CHURC1: variants seen among roughly 807,000 people sequenced by gnomAD.
CHURC1 encodes the protein protein Churchill.
Under a neutral mutation model 15.4 loss-of-function variants are expected in CHURC1, and 12 were observed. The ratio of observed to expected loss-of-function variants is 0.78; its 90% CI spans 0.50 to 1.27. The LOEUF is 1.27. Ranked by LOEUF, CHURC1 falls within the 50% of genes most tolerant of loss-of-function variation. The pLI, the probability that CHURC1 is intolerant of heterozygous loss-of-function variation, is 0.00. For missense variants in CHURC1, 132 were observed against 137.8 expected (o/e 0.96, Z 0.21); for synonymous variants, 42 against 47.5 (o/e 0.88, Z 0.48).
At position 64,935,192 on chromosome 14, in the gene CHURC1, G is replaced by A. The variant is rs976818207; in HGVS notation, c.*2962G>A. On this transcript the variant is annotated 3_prime_UTR_variant, in exon 4 of 4. Transcript: ENST00000549115. ...CACTCTAGGGACTGTTGTGGGGTGA[G>A]GGGAGGGGTGAGGGATAGCATTAGG... The A allele has an allele frequency of 4.0e-6, 1 of 247,388 alleles. No homozygotes were observed. The highest frequency in any genetic ancestry group is 2.3e-5 in the African/African-American group (1 of 43,002). 15.3% of individuals were successfully genotyped at this position (247,388 alleles called of 1,614,324 possible). A position where few individuals can be genotyped will look rare whatever the true frequency, so the allele number is the denominator to read the frequency against.
chr14:64,927,732 T>TCCCCCCC (rs1566830855), intron 3 of CHURC1, among the ~76,000 whole-genome samples: 38 of 106,604 alleles, frequency 3.6e-4, no homozygotes, highest in Admixed American at 5.1e-4. Flanking sequence ...CCCCCCGCCG[T>TCCCCCCC]CAATTCATAC....
intron 3 of CHURC1, among the ~76,000 whole-genome samples, chr14:64,930,627 T>G (rs1324016147): frequency 2.0e-5 from 3 of 152,248 alleles, no homozygotes; most frequent in African/African-American, 7.2e-5. Flanking sequence ...GATTGCAGAT[T>G]GTATAAAGTC....
intron 3 of CHURC1, among the ~76,000 whole-genome samples, chr14:64,930,350 C>T (rs952226013): frequency 6.6e-6 from 1 of 152,180 alleles, no homozygotes; most frequent in Non-Finnish European, 1.5e-5. Context: ...GAATTCTAGA[C>T]ATATTTTCCC....
At chr14:64,925,696 CA>C (rs3033506) in intron 2 of CHURC1, among the ~76,000 whole-genome samples, 1,560 of 66,158 alleles carry the variant, frequency 0.024, 11 homozygotes, top group Non-Finnish European at 0.031. Flanking sequence ...GACCCGGCCT[CA>C]AAAAAAAAAA....
At chr14:64,916,664 G>A (rs761300770) in intron 1 of CHURC1, among the ~76,000 whole-genome samples, 1 of 152,014 alleles carries the variant, frequency 6.6e-6, no homozygotes, top group African/African-American at 2.4e-5. Context: ...TGCAAGCTCC[G>A]CCTCACTGGT....
At chr14:64,926,285 A>G (rs1025901562) in intron 3 of CHURC1, among the ~76,000 whole-genome samples, 1 of 145,056 alleles carries the variant, frequency 6.9e-6, no homozygotes, top group African/African-American at 2.6e-5. Context: ...GGGCTCAAGC[A>G]GTCCTCCCAC....
chr14:64,932,159 T>TTATGCG lies in CHURC1; in HGVS notation c.269_274dup (p.Cys91_Gly92insValCys). ...CTAGGAGTATACCATGCTGTGTCTG[T>TTATGCG]TATGCGGCAAAGCCGAAGATACTAT... is the stretch of plus-strand genomic sequence containing the variant. On this transcript the variant is annotated inframe_insertion, in exon 4 of 4. Coordinates refer to ENST00000549115, the MANE Select transcript of CHURC1 (RefSeq NM_001386928.1). The TTATGCG allele has an allele frequency of 6.2e-7, 1 of 1,613,956 alleles. No individual in the cohort carries two copies. Among genetic ancestry groups the TTATGCG allele is most frequent in the South Asian group, 1.1e-5 (1 of 91,064 alleles).
intron 3 of CHURC1, 43 bp from the exon 4 acceptor site, chr14:64,932,095 T>C (rs1885108383): frequency 2.5e-6 from 4 of 1,591,644 alleles, no homozygotes; most frequent in Non-Finnish European, 3.4e-6. Flanking sequence ...AAGCATCTTT[T>C]TCCCTGTTCC....
chr14:64,932,452 A>C lies in CHURC1; in HGVS notation c.*222A>C. On this transcript the variant is annotated 3_prime_UTR_variant, in exon 4 of 4. Coordinates refer to ENST00000549115, the MANE Select transcript of CHURC1 (RefSeq NM_001386928.1). Reference sequence around the variant, plus strand: ...AGTTCACATCAGTGTAGCCAGAGTGAAGCATCTTTGTTAGCAGTTATGTGG... The same window carrying C: ...AGTTCACATCAGTGTAGCCAGAGTGCAGCATCTTTGTTAGCAGTTATGTGG... 8.0e-7 allele frequency: 1 copy of C among 1,253,280 alleles called. No individual in the cohort carries two copies. Among genetic ancestry groups the C allele is most frequent in the Non-Finnish European group, 1.0e-6 (1 of 993,808 alleles). The allele number at this position is 1,253,280 out of a possible 1,614,324, so 77.6% of individuals were successfully genotyped here.
At chr14:64,920,971 A>G (rs190525071) in intron 1 of CHURC1, among the ~76,000 whole-genome samples, 23 of 152,342 alleles carry the variant, frequency 1.5e-4, no homozygotes, top group Admixed American at 3.3e-4. Context: ...TATAAAAACT[A>G]TAGTAATCAA....
At chr14:64,924,196 C>G in intron 2 of CHURC1, 70 bp downstream of exon 2, 1 of 1,476,978 alleles carries the variant, frequency 6.8e-7, no homozygotes, top group Non-Finnish European at 9.0e-7. Context: ...ATATGTTACA[C>G]AAAATATTCT....
chr14:64,928,162 C>G (rs1566831005), intron 3 of CHURC1, among the ~76,000 whole-genome samples: 1 of 152,172 alleles, frequency 6.6e-6, no homozygotes, highest in African/African-American at 2.4e-5. Context: ...TGCATTTCCT[C>G]AGGAATCTCA....
chr14:64,924,158 G>A, intron 2 of CHURC1, 32 bp downstream of exon 2: 1 of 1,574,950 alleles, frequency 6.3e-7, no homozygotes, highest in South Asian at 1.2e-5. Context: ...ACCTGAGTGT[G>A]TTAGCAGGTG....
intron 1 of CHURC1, among the ~76,000 whole-genome samples, chr14:64,917,344 C>T (rs1410732375): frequency 6.6e-6 from 1 of 152,244 alleles, no homozygotes; most frequent in Non-Finnish European, 1.5e-5. Context: ...TGGCAGATCA[C>T]CTGAGGTCAG....
chr14:64,932,275 A>G lies in CHURC1; in HGVS notation c.*45A>G, dbSNP rs774904587. The G allele has an allele frequency of 5.0e-6, 8 of 1,602,014 alleles. No homozygotes were observed. Among genetic ancestry groups the G allele is most frequent in the Non-Finnish European group, 6.8e-6 (8 of 1,172,788 alleles). On this transcript the variant is annotated 3_prime_UTR_variant, in exon 4 of 4. Transcript: ENST00000549115. ...TTATAACTATATTGTGTTGGTTTAC[A>G]ATACAGCAAGCCTGATGGTTTGTCT...
chr14:64,929,889 T>C lies in CHURC1; in HGVS notation c.247-2249T>C, dbSNP rs141325092. On this transcript the variant is annotated intron_variant, in intron 3 of 3. Transcript: ENST00000549115. ...CAGAGTTTACATGGAAAATACATGA[T>C]AAATTATTATAGGTATCCTTTATTT... is the stretch of plus-strand genomic sequence containing the variant. Among the ~76,000 whole-genome samples the C allele has an allele frequency of 3.0e-3, 452 of 151,776 alleles. 2 individuals are homozygous for C. The highest frequency in any genetic ancestry group is 0.014 in the Middle Eastern group (4 of 294).
rs549648332 is a variant in CHURC1, at chr14:64,928,113, GAA to G, written c.246+2035_246+2036del. ...ACTCTTCCTTCTCTCCTGTTAGAGA[GAA>G]AGATTTTTATTTACCCCTCTCTAAT... is the stretch of plus-strand genomic sequence containing the variant. On this transcript the variant is annotated intron_variant, in intron 3 of 3. Coordinates refer to ENST00000549115, the MANE Select transcript of CHURC1 (RefSeq NM_001386928.1). 1.9e-3 allele frequency among the ~76,000 whole-genome samples: 290 copies of G among 152,220 alleles called. 2 individuals carry two copies. Among genetic ancestry groups the G allele is most frequent in the African/African-American group, 6.6e-3 (276 of 41,522 alleles).
At chr14:64,916,873 G>A (rs1460650941) in intron 1 of CHURC1, among the ~76,000 whole-genome samples, 4 of 151,902 alleles carry the variant, frequency 2.6e-5, no homozygotes, top group Admixed American at 6.6e-5. Flanking sequence ...CCACCGCGCC[G>A]GGCCTTAGGT....
Position 64,933,697 on chromosome 14 carries a change from G to T in CHURC1, c.*1467G>T, listed in dbSNP as rs1195041528. 3 of 985,304 alleles carry T rather than the reference G, an allele frequency of 3.0e-6. No homozygotes were observed. In the Admixed American group the frequency reaches 1.8e-4, roughly 61 times the overall value. 61.0% of individuals were successfully genotyped at this position (985,304 alleles called of 1,614,324 possible). On this transcript the variant is annotated 3_prime_UTR_variant, in exon 4 of 4. Coordinates refer to ENST00000549115, the MANE Select transcript of CHURC1 (RefSeq NM_001386928.1). The stretch of plus-strand genomic sequence containing the variant: ...TCTGAGACCTAAATTTAAAGGGTCA[G>T]GCATTAGAAACAAAAGTGTTTCTTC...
Sources: gnomAD v4.1 joint callset for allele counts (sites outside exome capture counted in the v4.1 genomes callset) on GRCh38, gnomAD v4.1.1 for gene constraint, MANE v1.5 for transcripts, NCBI Gene and HGNC (gene_info 2026-07-23, HGNC 2026-07-21) for gene names.